ARMH4: variants seen among roughly 807,000 people sequenced by gnomAD.
ARMH4 encodes armadillo-like helical domain-containing protein 4.
A neutral mutation model predicts 61.9 loss-of-function variants in ARMH4; 49 were observed. That is an observed-to-expected ratio of 0.79 (90% CI 0.63 to 1.00). The LOEUF is 1.00. ARMH4 is among the 50% of genes least tolerant of loss of function. The pLI, the probability that ARMH4 is intolerant of heterozygous loss-of-function variation, is 0.00. For synonymous variants in ARMH4, 368 were observed against 341.5 expected (o/e 1.08, Z -0.85); for missense variants, 934 against 930.0 (o/e 1.00, Z -0.06).
At position 58,003,790 on chromosome 14, in the gene ARMH4, C is replaced by T. The variant is rs536299781; in HGVS notation, c.*946G>A. On this transcript the variant is annotated 3_prime_UTR_variant, in exon 8 of 8. Transcript: ENST00000267485. ...CCATATAAGGACCAATGGTAGCCCA[C>T]CTTTTCCATGGTGGAGTCCACAGAT... 1 of 152,298 alleles carries T rather than the reference C, an allele frequency of 6.6e-6. No homozygotes were observed. Among genetic ancestry groups the T allele is most frequent in the South Asian group, 2.1e-4 (1 of 4,820 alleles). 9.4% of individuals were successfully genotyped at this position (152,298 alleles called of 1,614,324 possible). A position where few individuals can be genotyped will look rare whatever the true frequency, so the allele number is the denominator to read the frequency against.
At chr14:58,045,613 A>AT (rs1369157592) in intron 5 of ARMH4, among the ~76,000 whole-genome samples, 1 of 146,500 alleles carries the variant, frequency 6.8e-6, no homozygotes, top group Non-Finnish European at 1.5e-5. Context: ...AAGTATAATA[A>AT]AAAAAAAAAA....
At chr14:58,150,383 C>T (rs960037755) in intron 1 of ARMH4, among the ~76,000 whole-genome samples, 1 of 152,192 alleles carries the variant, frequency 6.6e-6, no homozygotes, top group Admixed American at 6.5e-5. Flanking sequence ...AACAAAAATA[C>T]AATTCCATAC....
chr14:58,017,596 T>A (rs2141141584), intron 5 of ARMH4, among the ~76,000 whole-genome samples: 1 of 152,242 alleles, frequency 6.6e-6, no homozygotes, highest in South Asian at 2.1e-4. Flanking sequence ...ACTTCTTCAC[T>A]AAAATCTATA....
intron 5 of ARMH4, among the ~76,000 whole-genome samples, chr14:58,087,245 T>C (rs964161140): frequency 2.0e-5 from 3 of 152,224 alleles, no homozygotes; most frequent in African/African-American, 7.2e-5. Flanking sequence ...ACAGTTCATT[T>C]AGGAGATCCT....
intron 5 of ARMH4, among the ~76,000 whole-genome samples, chr14:58,085,723 TAAG>T (rs1885356883): frequency 6.6e-6 from 1 of 152,154 alleles, no homozygotes; most frequent in African/African-American, 2.4e-5. Flanking sequence ...ACACAGATCG[TAAG>T]AAGAAATAAA....
chr14:58,039,532 C>T (rs116689872), intron 5 of ARMH4, among the ~76,000 whole-genome samples: 203 of 152,234 alleles, frequency 1.3e-3, no homozygotes, highest in African/African-American at 4.8e-3. Flanking sequence ...AAAAGAAAAT[C>T]TTTCCCATTA....
intron 5 of ARMH4, among the ~76,000 whole-genome samples, chr14:58,016,378 AAGCCTG>A: frequency 6.6e-6 from 1 of 152,204 alleles, no homozygotes; most frequent in Non-Finnish European, 1.5e-5. Flanking sequence ...AGTATAATGT[AAGCCTG>A]AGTTTGTAGA....
intron 4 of ARMH4, among the ~76,000 whole-genome samples, chr14:58,102,434 C>T (rs1886014794): frequency 6.6e-6 from 1 of 152,018 alleles, no homozygotes; most frequent in South Asian, 2.1e-4. Flanking sequence ...AGAATCTTTG[C>T]AGGTACAAGT....
intron 5 of ARMH4, among the ~76,000 whole-genome samples, chr14:58,095,330 T>G (rs1166669246): frequency 6.6e-6 from 1 of 152,234 alleles, no homozygotes; most frequent in Non-Finnish European, 1.5e-5. Context: ...GAGGAGTCAC[T>G]TTACGTGTAG....
intron 5 of ARMH4, among the ~76,000 whole-genome samples, chr14:58,052,162 T>G (rs564208520): frequency 6.6e-6 from 1 of 152,248 alleles, no homozygotes; most frequent in Admixed American, 6.5e-5. Flanking sequence ...CTTTTTCATC[T>G]TCCCAGCTAC....
intron 1 of ARMH4, among the ~76,000 whole-genome samples, chr14:58,144,427 C>A (rs548515415): frequency 3.2e-4 from 48 of 152,212 alleles, no homozygotes; most frequent in Non-Finnish European, 6.8e-4. Context: ...CACCAGTAGT[C>A]CTAGTTACTC....
intron 5 of ARMH4, among the ~76,000 whole-genome samples, chr14:58,053,279 T>C (rs780375396): frequency 1.3e-5 from 2 of 152,224 alleles, no homozygotes; most frequent in African/African-American, 2.4e-5. Context: ...TTCTATCCTA[T>C]TTTATGTGCC....
intron 5 of ARMH4, among the ~76,000 whole-genome samples, chr14:58,091,879 C>G (rs774430272): frequency 2.0e-5 from 3 of 152,114 alleles, no homozygotes; most frequent in Non-Finnish European, 4.4e-5. Context: ...TGCTCTCTAT[C>G]CCAGCAACAC....
intron 5 of ARMH4, among the ~76,000 whole-genome samples, chr14:58,025,902 C>A (rs2141155407): frequency 6.6e-6 from 1 of 152,172 alleles, no homozygotes; most frequent in African/African-American, 2.4e-5. Context: ...ATCTAAGAAG[C>A]AATTAATTCT....
At chr14:58,096,348 C>T (rs536332145) in intron 5 of ARMH4, among the ~76,000 whole-genome samples, 5 of 152,308 alleles carry the variant, frequency 3.3e-5, no homozygotes, top group African/African-American at 1.2e-4. Flanking sequence ...CCTGGTTACA[C>T]GTATCTCCTC....
At chr14:58,057,287 T>C (rs969955355) in intron 5 of ARMH4, among the ~76,000 whole-genome samples, 1 of 152,246 alleles carries the variant, frequency 6.6e-6, no homozygotes, top group Non-Finnish European at 1.5e-5. Context: ...CCTGGCTCAG[T>C]GCCTTGCACA....
chr14:58,118,115 T>C (rs1954453604), intron 4 of ARMH4, among the ~76,000 whole-genome samples: 1 of 152,152 alleles, frequency 6.6e-6, no homozygotes, highest in Non-Finnish European at 1.5e-5. Flanking sequence ...GAGAATAAGT[T>C]TGAGCTGAAT....
chr14:58,002,978 A>G lies in ARMH4; in HGVS notation c.*1758T>C, dbSNP rs1210526158. ...TGAGCCAGACATTATTCAAAAACGG[A>G]TTCTAGGAAGGTTTATTAGTTCCAT... On this transcript the variant is annotated 3_prime_UTR_variant, in exon 8 of 8. Transcript: ENST00000267485. 1 of 152,200 alleles carries G rather than the reference A, an allele frequency of 6.6e-6. No individual in the cohort carries two copies. Among genetic ancestry groups the G allele is most frequent in the Non-Finnish European group, 1.5e-5 (1 of 68,034 alleles). 9.4% of individuals were successfully genotyped at this position (152,200 alleles called of 1,614,324 possible). A position where few individuals can be genotyped will look rare whatever the true frequency, so the allele number is the denominator to read the frequency against.
At chr14:58,112,023 C>T (rs1289925765) in intron 4 of ARMH4, among the ~76,000 whole-genome samples, 1 of 152,072 alleles carries the variant, frequency 6.6e-6, no homozygotes, top group African/African-American at 2.4e-5. Context: ...GACACCAGTC[C>T]TATTGGATTT....
Sources: gnomAD v4.1 joint callset for allele counts (sites outside exome capture counted in the v4.1 genomes callset) on GRCh38, gnomAD v4.1.1 for gene constraint, MANE v1.5 for transcripts, NCBI Gene and HGNC (gene_info 2026-07-23, HGNC 2026-07-21) for gene names.